ATF7IP2: variants seen among roughly 807,000 people sequenced by gnomAD.
The protein encoded by ATF7IP2 is activating transcription factor 7-interacting protein 2.
A neutral mutation model predicts 64.2 loss-of-function variants in ATF7IP2; 42 were observed. The observed-to-expected ratio is 0.65, with a 90% confidence interval of 0.51 to 0.85. ATF7IP2 has a LOEUF of 0.85. Among genes scored for constraint, ATF7IP2 ranks in the 40% least tolerant of loss-of-function variants. The pLI is 0.00. For synonymous variants in ATF7IP2, 308 were observed against 272.8 expected (o/e 1.13, Z -1.27); for missense variants, 933 against 784.2 (o/e 1.19, Z -2.27).
At chr16:10,434,729 A>G (rs1023157058) in intron 6 of ATF7IP2, among the ~76,000 whole-genome samples, 1 of 152,182 alleles carries the variant, frequency 6.6e-6, no homozygotes, top group African/African-American at 2.4e-5. Flanking sequence ...ATGTTATTCA[A>G]GAAGAAGGTT....
In ATF7IP2 at chr16:10,440,436, A is replaced by G. The variant is rs2048576921; in HGVS notation, c.1168A>G (p.Met390Val). The change falls in exon 8 of 14, where the codon ATG (methionine) becomes GTG (valine). Residue 390 changes from methionine to valine, a missense_variant. Met to Val is a conservative substitution (Grantham distance 21). Transcript: ENST00000562102. ...TCAAAGGAATTGTTTGAAACCAAAC[A>G]TGTTATCCAGTAATGGAGCCTCTAA... is the stretch of plus-strand genomic sequence containing the variant. Reference protein sequence around the residue: ...LFQRNCLKPNMLSSNGASKVA... With the variant: ...LFQRNCLKPNVLSSNGASKVA... 1 of 1,560,832 alleles carries G rather than the reference A, an allele frequency of 6.4e-7. No individual in the cohort carries two copies. Among genetic ancestry groups the G allele is most frequent in the Non-Finnish European group, 8.7e-7 (1 of 1,154,726 alleles).
chr16:10,433,871 G>A (rs2048334503), intron 6 of ATF7IP2, among the ~76,000 whole-genome samples: 1 of 152,098 alleles, frequency 6.6e-6, no homozygotes, highest in Non-Finnish European at 1.5e-5. Context: ...ATAACCTAGG[G>A]ATCATGTGTA....
chr16:10,470,531 C>T (rs895154834), intron 9 of ATF7IP2, among the ~76,000 whole-genome samples: 2 of 152,052 alleles, frequency 1.3e-5, no homozygotes, highest in Non-Finnish European at 1.5e-5. Flanking sequence ...CACTTATAAT[C>T]CCAGCATCTT....
intron 8 of ATF7IP2, chr16:10,448,528 A>G (rs1475875013): frequency 6.6e-6 from 1 of 152,110 alleles, no homozygotes; most frequent in Non-Finnish European, 1.5e-5. Flanking sequence ...CTTTGTAGCA[A>G]TTGTGAATGG....
intron 9 of ATF7IP2, 92 bp from the exon 10 acceptor site, chr16:10,472,018 G>A (rs1332819477): frequency 2.1e-5 from 11 of 535,360 alleles, no homozygotes; most frequent in Non-Finnish European, 3.5e-5. Context: ...ATTATGAAAT[G>A]TTAAGTTAGA....
chr16:10,457,348 G>A (rs1220459489), intron 8 of ATF7IP2, 24 bp from the exon 9 acceptor site: 1 of 1,578,242 alleles, frequency 6.3e-7, no homozygotes, highest in South Asian at 1.2e-5. Context: ...CCCTTCAACT[G>A]CTTTTTTCTC....
chr16:10,406,452 G>C (rs1361400768), intron 1 of ATF7IP2, among the ~76,000 whole-genome samples: 1 of 152,006 alleles, frequency 6.6e-6, no homozygotes, highest in African/African-American at 2.4e-5. Context: ...AACTAGAAAA[G>C]CAAGAGCAAA....
intron 8 of ATF7IP2, chr16:10,449,238 T>C (rs1015444878): frequency 3.9e-5 from 6 of 152,258 alleles, no homozygotes; most frequent in Admixed American, 6.5e-5. Flanking sequence ...GATTTTCGCA[T>C]TGATGTTCAT....
At chr16:10,415,042 T>G (rs1227338556) in intron 2 of ATF7IP2, among the ~76,000 whole-genome samples, 1 of 152,206 alleles carries the variant, frequency 6.6e-6, no homozygotes, top group African/African-American at 2.4e-5. Context: ...TGTTAAAATG[T>G]TCATACTGCT....
intron 9 of ATF7IP2, among the ~76,000 whole-genome samples, chr16:10,465,281 A>T (rs73497889): frequency 6.6e-6 from 1 of 152,204 alleles, no homozygotes; most frequent in Non-Finnish European, 1.5e-5. Context: ...GTCTCCAGAA[A>T]CTATGCTCTT....
intron 12 of ATF7IP2, among the ~76,000 whole-genome samples, chr16:10,475,408 C>T (rs1163670666): frequency 1.3e-5 from 2 of 152,058 alleles, no homozygotes; most frequent in East Asian, 3.9e-4. Context: ...AATATCCAAA[C>T]TGGCTGGGCG....
intron 1 of ATF7IP2, among the ~76,000 whole-genome samples, chr16:10,407,230 G>A (rs928288686): frequency 2.0e-5 from 3 of 152,134 alleles, no homozygotes; most frequent in South Asian, 2.1e-4. Context: ...GTATCTCAAC[G>A]TAATAAAAGC....
chr16:10,427,470 A>T (rs1431840410), intron 3 of ATF7IP2, among the ~76,000 whole-genome samples: 1 of 152,202 alleles, frequency 6.6e-6, no homozygotes, highest in East Asian at 1.9e-4. Flanking sequence ...GGTTTTCTTG[A>T]AAAGTTGAAC....
At chr16:10,436,300 T>C (rs2048416636) in intron 6 of ATF7IP2, among the ~76,000 whole-genome samples, 1 of 152,120 alleles carries the variant, frequency 6.6e-6, no homozygotes, top group Admixed American at 6.5e-5. Flanking sequence ...GGGTGAAGAT[T>C]GCAGTGAGCC....
rs964005474 is a variant in ATF7IP2, at chr16:10,447,716, G to A, written c.1194+7254G>A. The stretch of plus-strand genomic sequence containing the variant: ...TTAGAATAGGACAAAGAACCAGGAA[G>A]TTTATTGTTTGTACCTAACAACTTA... On this transcript the variant is annotated intron_variant, in intron 8 of 13. Transcript: ENST00000562102. The A allele has an allele frequency of 4.6e-5, 7 of 152,324 alleles. No homozygotes were observed. The South Asian group carries it at 8.3e-4, about 18-fold the overall frequency. The allele number at this position is 152,324 out of a possible 1,614,324, so 9.4% of individuals were successfully genotyped here. A position where few individuals can be genotyped will look rare whatever the true frequency, so the allele number is the denominator to read the frequency against.
chr16:10,464,947 C>T (rs1422852234), intron 9 of ATF7IP2, among the ~76,000 whole-genome samples: 1 of 152,206 alleles, frequency 6.6e-6, no homozygotes, highest in Non-Finnish European at 1.5e-5. Flanking sequence ...TCTTCCGCCT[C>T]AGCCTCCTGA....
chr16:10,394,566 G>A (rs1465315098), intron 1 of ATF7IP2, among the ~76,000 whole-genome samples: 1 of 152,148 alleles, frequency 6.6e-6, no homozygotes, highest in Non-Finnish European at 1.5e-5. Flanking sequence ...AACAACAGCA[G>A]AATAGACTTT....
chr16:10,408,113 T>C (rs560696517), intron 1 of ATF7IP2, among the ~76,000 whole-genome samples: 56 of 152,238 alleles, frequency 3.7e-4, no homozygotes, highest in African/African-American at 1.2e-3. Context: ...GGTTTCACAA[T>C]GTTGGCCAGG....
chr16:10,453,792 T>C (rs2049070578), intron 8 of ATF7IP2, among the ~76,000 whole-genome samples: 3 of 151,990 alleles, frequency 2.0e-5, no homozygotes, highest in Non-Finnish European at 4.4e-5. Context: ...TAATTTTGTA[T>C]TTTTAGTAGA....
Sources: gnomAD v4.1 joint callset for allele counts (sites outside exome capture counted in the v4.1 genomes callset) on GRCh38, gnomAD v4.1.1 for gene constraint, MANE v1.5 for transcripts, NCBI Gene and HGNC (gene_info 2026-07-23, HGNC 2026-07-21) for gene names.